PDSS2: variants seen among roughly 807,000 people sequenced by gnomAD.
PDSS2 encodes all trans-polyprenyl-diphosphate synthase PDSS2.
Under a neutral mutation model 44.5 loss-of-function variants are expected in PDSS2, and 31 were observed. The observed-to-expected ratio is 0.70, with a 90% CI of 0.52 to 0.94. The LOEUF is 0.94. PDSS2 is among the 40% of genes least tolerant of loss of function. PDSS2 has a pLI of 0.00. For missense variants in PDSS2, 452 were observed against 482.2 expected, an observed-to-expected ratio of 0.94 and a Z score of 0.59; for synonymous variants, 157 against 180.3, an observed-to-expected ratio of 0.87 and a Z score of 1.03.
chr6:107,362,899 CAG>C (rs1230315028), intron 1 of PDSS2, among the ~76,000 whole-genome samples: 1 of 151,894 alleles, frequency 6.6e-6, no homozygotes, highest in East Asian at 1.9e-4. Context: ...AAAATATCAC[CAG>C]AGAGTGCAAT....
intron 4 of PDSS2, among the ~76,000 whole-genome samples, chr6:107,226,198 A>G (rs1773814193): frequency 6.6e-6 from 1 of 152,076 alleles, no homozygotes; most frequent in Non-Finnish European, 1.5e-5. Context: ...AGTCCCAGCT[A>G]CTCGGGAGGC....
At chr6:107,347,807 T>C (rs1218756062) in intron 1 of PDSS2, among the ~76,000 whole-genome samples, 1 of 152,250 alleles carries the variant, frequency 6.6e-6, no homozygotes, top group African/African-American at 2.4e-5. Flanking sequence ...ACTGGCTTTT[T>C]GTTCCCATCT....
intron 2 of PDSS2, among the ~76,000 whole-genome samples, chr6:107,309,246 G>A (rs940190452): frequency 1.3e-5 from 2 of 152,146 alleles, no homozygotes; most frequent in Non-Finnish European, 2.9e-5. Flanking sequence ...ATTTTCATCT[G>A]AGCACAATGC....
At chr6:107,453,952 C>T (rs1781954646) in intron 1 of PDSS2, among the ~76,000 whole-genome samples, 1 of 152,060 alleles carries the variant, frequency 6.6e-6, no homozygotes, top group Non-Finnish European at 1.5e-5. Flanking sequence ...TATGTGGTAG[C>T]TCATTAACCA....
intron 4 of PDSS2, among the ~76,000 whole-genome samples, chr6:107,222,802 T>TA (rs1307516233): frequency 2.0e-5 from 3 of 152,068 alleles, no homozygotes; most frequent in Non-Finnish European, 4.4e-5. Flanking sequence ...TAATATATCT[T>TA]ACGGTTTAAA....
chr6:107,164,615 C>A (rs1447694932), intron 7 of PDSS2, among the ~76,000 whole-genome samples: 1 of 151,972 alleles, frequency 6.6e-6, no homozygotes, highest in Admixed American at 6.6e-5. Context: ...TGAATAGTGC[C>A]GCAATAAACA....
At chr6:107,269,381 T>C (rs1217869991) in intron 3 of PDSS2, among the ~76,000 whole-genome samples, 1 of 149,168 alleles carries the variant, frequency 6.7e-6, no homozygotes, top group African/African-American at 2.5e-5. Flanking sequence ...TGTGTGCAAT[T>C]TATTCAAAGT....
intron 7 of PDSS2, among the ~76,000 whole-genome samples, chr6:107,155,107 C>A (rs1770840166): frequency 6.6e-6 from 1 of 150,738 alleles, no homozygotes. Flanking sequence ...ATTTACATCT[C>A]TGGCATTTTG....
At chr6:107,263,151 T>C (rs1168275706) in intron 3 of PDSS2, among the ~76,000 whole-genome samples, 1 of 144,642 alleles carries the variant, frequency 6.9e-6, no homozygotes, top group African/African-American at 2.5e-5. Context: ...TTTTTTTTTC[T>C]TTTTAAAAAG....
At chr6:107,342,960 G>A (rs1184616771) in intron 1 of PDSS2, among the ~76,000 whole-genome samples, 2 of 152,094 alleles carry the variant, frequency 1.3e-5, no homozygotes, top group African/African-American at 4.8e-5. Flanking sequence ...TATAGAGTGA[G>A]TGGTACGATT....
intron 3 of PDSS2, among the ~76,000 whole-genome samples, chr6:107,259,545 C>T (rs1402152491): frequency 1.3e-5 from 2 of 151,878 alleles, no homozygotes; most frequent in African/African-American, 4.8e-5. Context: ...CGTGGTGGCA[C>T]ATGCTTGTAA....
chr6:107,194,599 T>C (rs1479806172), intron 6 of PDSS2, among the ~76,000 whole-genome samples: 1 of 152,232 alleles, frequency 6.6e-6, no homozygotes, highest in Non-Finnish European at 1.5e-5. Context: ...TATGTGGAAA[T>C]ATTACATACT....
chr6:107,368,323 A>C lies in PDSS2; in HGVS notation c.297-33991T>G, dbSNP rs1779025733. Among the ~76,000 whole-genome samples the C allele has an allele frequency of 2.0e-5, 3 of 152,124 alleles. No homozygotes were observed. In the South Asian group the frequency reaches 6.2e-4, roughly 31 times the overall value. On this transcript the variant is annotated intron_variant, in intron 1 of 7. Coordinates refer to ENST00000369037, the MANE Select transcript of PDSS2 (RefSeq NM_020381.4). ...TATATCAGCAACAAATAATCAAAAA[A>C]TCAATTCACAATAACATCATAAAGA...
At chr6:107,351,915 G>A (rs943188328) in intron 1 of PDSS2, among the ~76,000 whole-genome samples, 4 of 152,048 alleles carry the variant, frequency 2.6e-5, no homozygotes, top group African/African-American at 9.7e-5. Context: ...ATCAGATGAT[G>A]GAAAAATATT....
chr6:107,160,342 G>C (rs1419671551), intron 7 of PDSS2, among the ~76,000 whole-genome samples: 1 of 151,930 alleles, frequency 6.6e-6, no homozygotes, highest in Non-Finnish European at 1.5e-5. Context: ...AGAAATGAGA[G>C]ATCAACTTTA....
In PDSS2 at chr6:107,359,942, T is replaced by A. The variant is rs114402279; in HGVS notation, c.297-25610A>T. ...TCCTATTCTTTCAAAATATAACATGTCATTTTGTTGACACATAAATTGCAA... is the reference window on the plus strand; with the variant it reads ...TCCTATTCTTTCAAAATATAACATGACATTTTGTTGACACATAAATTGCAA... On this transcript the variant is annotated intron_variant, in intron 1 of 7. Coordinates refer to ENST00000369037, the MANE Select transcript of PDSS2 (RefSeq NM_020381.4). 3.8e-3 allele frequency among the ~76,000 whole-genome samples: 586 copies of A among 152,328 alleles called. 2 individuals are homozygous for A. The highest frequency in any genetic ancestry group is 0.014 in the African/African-American group (570 of 41,568).
At chr6:107,299,937 G>A (rs1369061909) in intron 2 of PDSS2, among the ~76,000 whole-genome samples, 1 of 152,054 alleles carries the variant, frequency 6.6e-6, no homozygotes, top group African/African-American at 2.4e-5. Context: ...TCTCCCAATT[G>A]ACTCAGGTAC....
chr6:107,431,367 C>T (rs1032623787), intron 1 of PDSS2, among the ~76,000 whole-genome samples: 12 of 152,200 alleles, frequency 7.9e-5, no homozygotes, highest in Non-Finnish European at 1.3e-4. Context: ...ATCCTCCCAC[C>T]TCAGCCTCCT....
intron 1 of PDSS2, among the ~76,000 whole-genome samples, chr6:107,344,370 G>GA (rs1349795283): frequency 4.6e-5 from 7 of 151,784 alleles, no homozygotes; most frequent in African/African-American, 1.7e-4. Context: ...AATTTCCATG[G>GA]AAAAAATGAC....
Sources: gnomAD v4.1 joint callset for allele counts (sites outside exome capture counted in the v4.1 genomes callset) on GRCh38, gnomAD v4.1.1 for gene constraint, MANE v1.5 for transcripts, NCBI Gene and HGNC (gene_info 2026-07-23, HGNC 2026-07-21) for gene names.